The following KAZN variants were observed in gnomAD, a reference collection of about 807,000 sequenced individuals.
The protein encoded by KAZN is kazrin.
In KAZN, 40 loss-of-function variants were observed where a neutral mutation model predicts 87.4. The observed-to-expected ratio is 0.46, with a 90% CI of 0.36 to 0.60. The LOEUF is 0.60. Ranked by LOEUF, KAZN falls within the 20% of genes least tolerant of loss-of-function variation. KAZN has a pLI of 0.00. For synonymous variants in KAZN, 466 were observed against 458.3 expected, an observed-to-expected ratio of 1.02 and a Z score of -0.22; for missense variants, 898 against 1,073.9, an observed-to-expected ratio of 0.84 and a Z score of 2.29.
intron 2 of KAZN, among the ~76,000 whole-genome samples, chr1:14,419,737 T>G (rs756964734): frequency 6.6e-6 from 1 of 151,988 alleles, no homozygotes; most frequent in Non-Finnish European, 1.5e-5. Flanking sequence ...GCGGTGAGCG[T>G]TAGGACTCTT....
chr1:14,577,943 T>C (rs1301554731), intron 2 of KAZN, among the ~76,000 whole-genome samples: 1 of 152,096 alleles, frequency 6.6e-6, no homozygotes, highest in Non-Finnish European at 1.5e-5. Flanking sequence ...CTGTCAAAAG[T>C]CCAAACCCTG....
At chr1:14,468,361 C>G (rs780298309) in intron 2 of KAZN, among the ~76,000 whole-genome samples, 2 of 152,152 alleles carry the variant, frequency 1.3e-5, no homozygotes, top group Non-Finnish European at 2.9e-5. Context: ...CATCAGGCCC[C>G]TTTATATACC....
intron 2 of KAZN, among the ~76,000 whole-genome samples, chr1:14,410,025 A>G (rs928181659): frequency 2.0e-5 from 3 of 152,348 alleles, no homozygotes; most frequent in Middle Eastern, 3.4e-3. Context: ...GAAATTACTC[A>G]GAATGTATTG....
intron 2 of KAZN, among the ~76,000 whole-genome samples, chr1:14,259,029 T>A (rs1322337179): frequency 6.6e-6 from 1 of 152,012 alleles, no homozygotes; most frequent in African/African-American, 2.4e-5. Flanking sequence ...GACTCAAAGG[T>A]CTGTCAGGTT....
At chr1:14,677,140 GT>G (rs1032504698) in intron 1 of KAZN, among the ~76,000 whole-genome samples, 2 of 152,068 alleles carry the variant, frequency 1.3e-5, no homozygotes, top group African/African-American at 4.8e-5. Context: ...TGTCATCTTT[GT>G]TTTGTAAAGA....
At chr1:14,361,543 G>A (rs1462734095) in intron 2 of KAZN, among the ~76,000 whole-genome samples, 1 of 152,248 alleles carries the variant, frequency 6.6e-6, no homozygotes. Flanking sequence ...TGGCTGCCCA[G>A]TTTTGTGCTT....
At chr1:14,299,316 A>T (rs1011798066) in intron 2 of KAZN, among the ~76,000 whole-genome samples, 1 of 152,138 alleles carries the variant, frequency 6.6e-6, no homozygotes, top group African/African-American at 2.4e-5. Flanking sequence ...CAACTTGGCC[A>T]ACATACTGAA....
At chr1:14,158,408 T>G (rs1308750745) in intron 1 of KAZN, among the ~76,000 whole-genome samples, 1 of 152,288 alleles carries the variant, frequency 6.6e-6, no homozygotes, top group East Asian at 1.9e-4. Context: ...GATACATTTT[T>G]CAGTATGCCA....
chr1:14,672,170 C>T (rs971294807), intron 1 of KAZN, among the ~76,000 whole-genome samples: 5 of 152,112 alleles, frequency 3.3e-5, no homozygotes, highest in South Asian at 2.1e-4. Context: ...GAGGCCAACA[C>T]CATAATGAAA....
At chr1:14,342,091 T>C (rs887134295) in intron 2 of KAZN, among the ~76,000 whole-genome samples, 1 of 152,236 alleles carries the variant, frequency 6.6e-6, no homozygotes, top group Non-Finnish European at 1.5e-5. Flanking sequence ...TATTTGGTTT[T>C]CTATTCCTGT....
chr1:15,005,591 G>T (rs1363830850), intron 2 of KAZN, among the ~76,000 whole-genome samples: 1 of 152,020 alleles, frequency 6.6e-6, no homozygotes, highest in African/African-American at 2.4e-5. Flanking sequence ...TGCGAAACCA[G>T]CCTGGCCAAT....
chr1:14,380,776 G>A (rs1243991838), intron 2 of KAZN, among the ~76,000 whole-genome samples: 1 of 152,174 alleles, frequency 6.6e-6, no homozygotes, highest in African/African-American at 2.4e-5. Context: ...CTAAAGAGGA[G>A]ATAGAGAAAG....
At chr1:14,061,333 C>T (rs1229492270) in intron 1 of KAZN, among the ~76,000 whole-genome samples, 1 of 151,870 alleles carries the variant, frequency 6.6e-6, no homozygotes, top group East Asian at 1.9e-4. Context: ...AAACTAAGAA[C>T]TGAAGAATGA....
intron 4 of KAZN, among the ~76,000 whole-genome samples, chr1:15,053,004 G>A (rs1674575972): frequency 6.6e-6 from 1 of 152,194 alleles, no homozygotes; most frequent in African/African-American, 2.4e-5. Context: ...CCTGTTTCAG[G>A]GGCTGGCTTG....
intron 7 of KAZN, among the ~76,000 whole-genome samples, chr1:15,064,614 G>A (rs890298173): frequency 5.9e-5 from 9 of 152,242 alleles, no homozygotes; most frequent in African/African-American, 2.2e-4. Flanking sequence ...CAGCTCAGGT[G>A]CTTTCCAGGG....
At chr1:14,057,261 A>C (rs1049332246) in intron 1 of KAZN, among the ~76,000 whole-genome samples, 1 of 151,394 alleles carries the variant, frequency 6.6e-6, no homozygotes, top group Non-Finnish European at 1.5e-5. Context: ...CAGCCTCCTG[A>C]GTAGCTGGGA....
At chr1:14,746,482 G>A (rs536678470) in intron 1 of KAZN, among the ~76,000 whole-genome samples, 2 of 152,176 alleles carry the variant, frequency 1.3e-5, no homozygotes, top group Non-Finnish European at 2.9e-5. Context: ...CAGACAACAT[G>A]GCTAGCACCA....
At chr1:14,615,425 C>T (rs868151688) in intron 1 of KAZN, among the ~76,000 whole-genome samples, 20 of 152,232 alleles carry the variant, frequency 1.3e-4, no homozygotes, top group African/African-American at 4.1e-4. Context: ...GCCAGGAGTT[C>T]GAGACCAGCC....
chr1:14,264,136 CT>C (rs1336120264), intron 2 of KAZN, among the ~76,000 whole-genome samples: 3 of 152,216 alleles, frequency 2.0e-5, no homozygotes, highest in Admixed American at 2.0e-4. Flanking sequence ...CTCATGGAGT[CT>C]CACATAAACA....
Sources: allele counts gnomAD v4.1 joint callset (sites outside exome capture counted in the v4.1 genomes callset), GRCh38; gene constraint gnomAD v4.1.1; transcripts MANE v1.5; gene names NCBI Gene and HGNC (gene_info 2026-07-23, HGNC 2026-07-21).